KALRN: variants seen among roughly 807,000 people sequenced by gnomAD.
KALRN encodes the protein kalirin.
In KALRN, 70 loss-of-function variants were observed where a neutral mutation model predicts 353.7. That is an observed-to-expected ratio of 0.20 (90% confidence interval 0.16 to 0.24). The LOEUF is 0.24. KALRN is among the 10% of genes least tolerant of loss of function. The pLI, the probability that KALRN is intolerant of heterozygous loss-of-function variation, is 1.00. For synonymous variants in KALRN, 1,391 were observed against 1,434.8 expected (o/e 0.97, Z 0.69); for missense variants, 2,791 against 3,756.7 (o/e 0.74, Z 6.72).
chr3:124,526,567 T>A (rs1215251910), intron 33 of KALRN, among the ~76,000 whole-genome samples: 1 of 152,032 alleles, frequency 6.6e-6, no homozygotes, highest in Non-Finnish European at 1.5e-5. Flanking sequence ...GGAGCGAGAC[T>A]GTGTCTCAAA....
intron 1 of KALRN, chr3:124,080,238 T>C (rs866167650): frequency 9.8e-5 from 24 of 244,342 alleles, no homozygotes; most frequent in African/African-American, 4.3e-4. Flanking sequence ...TTTGTATCCT[T>C]TCCCACACTG....
chr3:124,713,888 C>T (rs2063007891), intron 58 of KALRN, among the ~76,000 whole-genome samples: 1 of 152,158 alleles, frequency 6.6e-6, no homozygotes, highest in Non-Finnish European at 1.5e-5. Flanking sequence ...ACAAGAACCC[C>T]TTTTCAGTAG....
intron 48 of KALRN, among the ~76,000 whole-genome samples, chr3:124,673,586 G>A (rs333358): frequency 4.7e-5 from 7 of 147,488 alleles, no homozygotes; most frequent in African/African-American, 1.2e-4. Flanking sequence ...GTATGTATAT[G>A]CATATAGAAT....
At position 124,720,924 on chromosome 3, in the gene KALRN, T is replaced by A. The variant is rs538129884; in HGVS notation, c.*1454T>A. On this transcript the variant is annotated 3_prime_UTR_variant, in exon 60 of 60. Coordinates refer to ENST00000682506, the MANE Select transcript of KALRN (RefSeq NM_001388419.1). ...TAGAATGTGTGTTGAAAATTGCGAT[T>A]ATACAAGTAAGATTTTAAAAATGTA... 73 of 152,350 alleles carry A rather than the reference T, an allele frequency of 4.8e-4. No homozygotes were observed. The highest frequency in any genetic ancestry group is 1.7e-3 in the African/African-American group (69 of 41,570). The allele number at this position is 152,350 out of a possible 1,614,324, so 9.4% of individuals were successfully genotyped here.
chr3:124,652,623 C>T (rs1408364423), intron 38 of KALRN, among the ~76,000 whole-genome samples: 2 of 151,978 alleles, frequency 1.3e-5, no homozygotes, highest in Admixed American at 1.3e-4. Context: ...TTTGCCCAGG[C>T]CAGAGTGCAG....
At chr3:124,182,600 G>T (rs188690773) in intron 1 of KALRN, among the ~76,000 whole-genome samples, 7 of 152,322 alleles carry the variant, frequency 4.6e-5, no homozygotes, top group Middle Eastern at 6.8e-3. Context: ...TTATTATACT[G>T]ATTAAGAAGC....
chr3:124,576,025 G>A (rs2713643), intron 34 of KALRN, among the ~76,000 whole-genome samples: 67,461 of 151,126 alleles, frequency 0.45, 16,732 homozygotes, highest in East Asian at 0.83. Flanking sequence ...CCATGCATAC[G>A]CTCACCTCAG....
chr3:124,204,441 G>A (rs7630133), intron 1 of KALRN, among the ~76,000 whole-genome samples: 87,714 of 152,084 alleles, frequency 0.58, 25,941 homozygotes, highest in Non-Finnish European at 0.65. Context: ...CTCCACATGT[G>A]GAGTGTTTAC....
rs560300159 is a variant in KALRN, at chr3:124,344,907, T to TA, written c.1648-2230dup. The stretch of plus-strand genomic sequence containing the variant: ...ACTTAAAAAGGAAACAAATTGCGTT[T>TA]AAAAAATATTTAGAAGTTGTGAAAT... On this transcript the variant is annotated intron_variant, in intron 9 of 59. Coordinates refer to ENST00000682506, the MANE Select transcript of KALRN (RefSeq NM_001388419.1). 1.8e-3 allele frequency among the ~76,000 whole-genome samples: 273 copies of TA among 152,344 alleles called. 1 individual carries two copies. The highest frequency in any genetic ancestry group is 6.1e-3 in the African/African-American group (254 of 41,586).
At chr3:124,516,715 A>G (rs960163661) in intron 33 of KALRN, among the ~76,000 whole-genome samples, 15 of 150,130 alleles carry the variant, frequency 1.0e-4, no homozygotes, top group Non-Finnish European at 1.8e-4. Flanking sequence ...AGGACAGCTG[A>G]TGCCACCTTC....
At chr3:124,240,766 A>G (rs1251539287) in intron 3 of KALRN, among the ~76,000 whole-genome samples, 6 of 152,166 alleles carry the variant, frequency 3.9e-5, no homozygotes, top group Admixed American at 1.3e-4. Flanking sequence ...GATATTTGGC[A>G]CAGAGGGAGA....
intron 1 of KALRN, among the ~76,000 whole-genome samples, chr3:124,196,081 C>A (rs2075396830): frequency 6.6e-6 from 1 of 152,148 alleles, no homozygotes; most frequent in Non-Finnish European, 1.5e-5. Context: ...TAATTGAGAA[C>A]CCCTAGAATT....
chr3:124,609,907 C>T (rs889583822), intron 34 of KALRN, among the ~76,000 whole-genome samples: 3 of 135,734 alleles, frequency 2.2e-5, no homozygotes, highest in African/African-American at 8.2e-5. Context: ...GAACTCAAAT[C>T]CCAAGGTCAC....
rs950036349 is a variant in KALRN at position 124,329,943 on chromosome 3, T to C, written c.1367T>C (p.Ile456Thr). The change falls in exon 8 of 60, where the codon ATC becomes ACC. Residue 456 changes from isoleucine to threonine, a missense_variant. Coordinates refer to ENST00000682506, the MANE Select transcript of KALRN (RefSeq NM_001388419.1). ...GAGATGCAAGACCTAGAGCTGGCAA[T>C]CCACCACCACCAGACCTTGTATGAG... ...PSEMQDLELA[I>T]HHHQTLYEQV... 6.2e-7 allele frequency: 1 copy of C among 1,613,318 alleles called. No homozygotes were observed. Among genetic ancestry groups the C allele is most frequent in the African/African-American group, 1.3e-5 (1 of 74,714 alleles).
At chr3:124,179,110 TAAAA>T (rs1302411030) in intron 1 of KALRN, among the ~76,000 whole-genome samples, 1 of 147,668 alleles carries the variant, frequency 6.8e-6, no homozygotes, top group Non-Finnish European at 1.5e-5. Flanking sequence ...ACCCTGTCTC[TAAAA>T]AAAAAAATTA....
intron 27 of KALRN, among the ~76,000 whole-genome samples, chr3:124,482,392 A>G (rs188516701): frequency 3.4e-4 from 52 of 152,334 alleles, no homozygotes; most frequent in Non-Finnish European, 6.3e-4. Flanking sequence ...AGCCATCAGA[A>G]TAGATGTCAG....
rs201928811 is a variant in KALRN at position 124,269,234 on chromosome 3, C to T, written c.948C>T (p.Leu316=). The change falls in exon 5 of 60, where the codon CTC becomes CTT. Residue 316 remains leucine (L), a synonymous_variant. Transcript: ENST00000682506. ...LKLDQCFQLR[L]FEQDAEKMFD... Reference sequence around the variant, plus strand: ...TGGACCAGTGCTTTCAGCTGCGGCTCTTCGAGCAGGATGCTGAGAAGGTAG... The same window carrying T: ...TGGACCAGTGCTTTCAGCTGCGGCTTTTCGAGCAGGATGCTGAGAAGGTAG... 1.4e-4 allele frequency: 231 copies of T among 1,599,314 alleles called. 2 individuals carry two copies. Among genetic ancestry groups the T allele is most frequent in the Non-Finnish European group, 1.3e-4 (148 of 1,168,818 alleles).
At chr3:124,079,577 A>G (rs2060435766) in intron 1 of KALRN, among the ~76,000 whole-genome samples, 1 of 152,188 alleles carries the variant, frequency 6.6e-6, no homozygotes, top group African/African-American at 2.4e-5. Flanking sequence ...AATTGATGAG[A>G]CTACATTGAT....
intron 25 of KALRN, among the ~76,000 whole-genome samples, chr3:124,468,193 A>G (rs776712739): frequency 7.2e-5 from 11 of 152,224 alleles, no homozygotes; most frequent in Non-Finnish European, 1.3e-4. Context: ...CATATATGCT[A>G]TATATAACAG....
Sources: allele counts gnomAD v4.1 joint callset (sites outside exome capture counted in the v4.1 genomes callset), GRCh38; gene constraint gnomAD v4.1.1; transcripts MANE v1.5; gene names NCBI Gene and HGNC (gene_info 2026-07-23, HGNC 2026-07-21).